Variants in CSMD1 observed in about 807,000 individuals in gnomAD.
The protein encoded by CSMD1 is CUB and sushi domain-containing protein 1.
In CSMD1, 213 loss-of-function variants were observed where a neutral mutation model predicts 417.5. The observed-to-expected ratio is 0.51, with a 90% CI of 0.46 to 0.57. The LOEUF (loss-of-function observed/expected upper bound fraction) is 0.57. Ranked by LOEUF, CSMD1 falls within the 20% of genes least tolerant of loss-of-function variation. CSMD1 has a pLI of 0.00. For missense variants in CSMD1, 6,923 were observed against 4,529.7 expected (o/e 1.53, Z -15.17); for synonymous variants, 2,862 against 1,736.8 (o/e 1.65, Z -16.11).
At position 3,747,554 on chromosome 8, in the gene CSMD1, G is replaced by C. The variant is rs2623721; in HGVS notation, c.931+6376C>G. ...AGAGTCATCCATGTCGTTACATGTA[G>C]AGGCAGTTTGTCTCTTTCCAAGTTT... On this transcript the variant is annotated intron_variant, in intron 6 of 69. Transcript: ENST00000635120. 4.0e-3 allele frequency among the ~76,000 whole-genome samples: 613 copies of C among 151,648 alleles called. 20 individuals are homozygous for C. The East Asian group carries it at 0.075, about 19-fold the overall frequency.
intron 7 of CSMD1, among the ~76,000 whole-genome samples, chr8:3,668,318 G>C (rs1295534841): frequency 1.3e-5 from 2 of 152,176 alleles, no homozygotes; most frequent in Non-Finnish European, 2.9e-5. Flanking sequence ...GATTAGGAAG[G>C]AGGGGCATGT....
intron 3 of CSMD1, among the ~76,000 whole-genome samples, chr8:4,142,782 T>C (rs1183476989): frequency 1.3e-5 from 2 of 151,056 alleles, no homozygotes; most frequent in African/African-American, 5.0e-5. Context: ...CAAAACAGGC[T>C]TCAACAAAGT....
chr8:3,196,437 TTACTC>T lies in CSMD1; in HGVS notation c.5194+3272_5194+3276del, dbSNP rs1450679469. On this transcript the variant is annotated intron_variant, in intron 33 of 69. Transcript: ENST00000635120. ...CTTTCCTAATAAACTTGTTTTTACT[TTACTC>T]TATGGACTCGCCCCAAATTCTTTCT... 2.6e-5 allele frequency among the ~76,000 whole-genome samples: 4 copies of T among 152,312 alleles called. No homozygotes were observed. The East Asian group carries it at 7.7e-4, about 29-fold the overall frequency.
At chr8:4,058,525 T>C (rs1798812804) in intron 3 of CSMD1, among the ~76,000 whole-genome samples, 1 of 152,058 alleles carries the variant, frequency 6.6e-6, no homozygotes, top group Admixed American at 6.6e-5. Context: ...ATACCCTTTA[T>C]TTCCTTCTCC....
At chr8:4,120,544 G>A (rs887104687) in intron 3 of CSMD1, among the ~76,000 whole-genome samples, 2 of 152,120 alleles carry the variant, frequency 1.3e-5, no homozygotes, top group African/African-American at 2.4e-5. Flanking sequence ...CTGGCGATAA[G>A]GGATACCAAA....
At chr8:3,227,002 T>C (rs1433015873) in intron 27 of CSMD1, among the ~76,000 whole-genome samples, 1 of 152,224 alleles carries the variant, frequency 6.6e-6, no homozygotes, top group Admixed American at 6.5e-5. Flanking sequence ...CATCACTTTG[T>C]GCCTTAAAAT....
chr8:3,576,990 T>C (rs533320343), intron 9 of CSMD1, among the ~76,000 whole-genome samples: 79 of 152,374 alleles, frequency 5.2e-4, no homozygotes, highest in Middle Eastern at 3.4e-3. Context: ...TGTAACCATA[T>C]TGGCATTGTC....
At chr8:3,946,003 T>C (rs1335922036) in intron 5 of CSMD1, among the ~76,000 whole-genome samples, 1 of 152,178 alleles carries the variant, frequency 6.6e-6, no homozygotes, top group Non-Finnish European at 1.5e-5. Flanking sequence ...AGCACTTTAC[T>C]TAAATTTTGC....
In CSMD1 at chr8:4,030,762, A is replaced by G. The variant is rs560902562; in HGVS notation, c.610+1143T>C. On this transcript the variant is annotated intron_variant, in intron 4 of 69. Coordinates refer to ENST00000635120, the MANE Select transcript of CSMD1 (RefSeq NM_033225.6). ...CTTTTCTATCACATTGTCAGACTGC[A>G]AAGTTCATGAACTTTTATGCTTTGC... 1.8e-3 allele frequency among the ~76,000 whole-genome samples: 275 copies of G among 152,284 alleles called. 2 individuals are homozygous for G. Among genetic ancestry groups the G allele is most frequent in the African/African-American group, 6.4e-3 (266 of 41,558 alleles).
chr8:3,138,262 A>G (rs1315541504), intron 41 of CSMD1, among the ~76,000 whole-genome samples: 1 of 152,162 alleles, frequency 6.6e-6, no homozygotes, highest in Non-Finnish European at 1.5e-5. Flanking sequence ...TCAGTGACTT[A>G]AAATAAGGCA....
chr8:3,824,085 A>C (rs1193441995), intron 5 of CSMD1, among the ~76,000 whole-genome samples: 2 of 152,192 alleles, frequency 1.3e-5, no homozygotes, highest in African/African-American at 4.8e-5. Flanking sequence ...GAAAACAAAA[A>C]TGTCACAGTG....
chr8:4,944,210 A>C (rs1057397205), intron 1 of CSMD1, among the ~76,000 whole-genome samples: 2 of 152,198 alleles, frequency 1.3e-5, no homozygotes, highest in South Asian at 4.1e-4. Context: ...TAGTGTATGT[A>C]ATAATTAAAG....
chr8:4,340,014 G>T (rs1800386630), intron 3 of CSMD1, among the ~76,000 whole-genome samples: 1 of 152,026 alleles, frequency 6.6e-6, no homozygotes, highest in South Asian at 2.1e-4. Context: ...ACAGAACCAG[G>T]CACTTCTAGC....
chr8:4,916,871 G>C lies in CSMD1; in HGVS notation c.85+77461C>G, dbSNP rs76197998. Among the ~76,000 whole-genome samples the C allele has an allele frequency of 7.4e-3, 1,124 of 152,278 alleles. 14 individuals are homozygous for C. Among genetic ancestry groups the C allele is most frequent in the African/African-American group, 0.025 (1,045 of 41,556 alleles). ...TACTTTTGCAAGAAATGACAGAAAGGAATCCTTTGTCAGCATTACAGTTTT... is the reference window on the plus strand; with the variant it reads ...TACTTTTGCAAGAAATGACAGAAAGCAATCCTTTGTCAGCATTACAGTTTT... On this transcript the variant is annotated intron_variant, in intron 1 of 69. Transcript: ENST00000635120.
intron 26 of CSMD1, among the ~76,000 whole-genome samples, chr8:3,250,407 G>C (rs1585795866): frequency 1.3e-5 from 2 of 152,132 alleles, no homozygotes; most frequent in South Asian, 4.1e-4. Context: ...TTTATGGCTG[G>C]ATAGTATTCC....
chr8:3,885,048 T>C (rs900799297), intron 5 of CSMD1, among the ~76,000 whole-genome samples: 3 of 152,060 alleles, frequency 2.0e-5, no homozygotes, highest in African/African-American at 4.8e-5. Flanking sequence ...ATGGACCTAG[T>C]GTCTATGATT....
chr8:3,174,839 G>T (rs975036115), intron 37 of CSMD1, among the ~76,000 whole-genome samples: 2 of 151,504 alleles, frequency 1.3e-5, no homozygotes, highest in Non-Finnish European at 2.9e-5. Context: ...TTTTTATGTT[G>T]CATCAAACAC....
At chr8:3,983,370 T>C (rs1814048295) in intron 5 of CSMD1, among the ~76,000 whole-genome samples, 1 of 151,972 alleles carries the variant, frequency 6.6e-6, no homozygotes, top group African/African-American at 2.4e-5. Context: ...GACCTCGTGA[T>C]CCCTCTTTCT....
intron 1 of CSMD1, among the ~76,000 whole-genome samples, chr8:4,906,497 C>G (rs1470645652): frequency 1.1e-4 from 6 of 57,028 alleles, no homozygotes; most frequent in African/African-American, 3.7e-4. Context: ...CATGATTTCA[C>G]ACACTTTGTT....
Sources: allele counts gnomAD v4.1 joint callset (sites outside exome capture counted in the v4.1 genomes callset), GRCh38; gene constraint gnomAD v4.1.1; transcripts MANE v1.5; gene names NCBI Gene and HGNC (gene_info 2026-07-23, HGNC 2026-07-21).